The following CSMD1 variants were observed in gnomAD, a reference collection of about 807,000 sequenced individuals.
The protein encoded by CSMD1 is CUB and Sushi multiple domains 1.
In CSMD1, 213 loss-of-function variants were observed where a neutral mutation model predicts 417.5. The observed-to-expected ratio is 0.51, with a 90% CI of 0.46 to 0.57. CSMD1 has a LOEUF of 0.57. Among genes scored for constraint, CSMD1 ranks in the 20% least tolerant of loss-of-function variants. The pLI, the probability that CSMD1 is intolerant of heterozygous loss-of-function variation, is 0.00. For synonymous variants in CSMD1, 2,862 were observed against 1,736.8 expected, an observed-to-expected ratio of 1.65 and a Z score of -16.11; for missense variants, 6,923 against 4,529.7, an observed-to-expected ratio of 1.53 and a Z score of -15.17.
chr8:4,292,298 G>C (rs573764573), intron 3 of CSMD1, among the ~76,000 whole-genome samples: 1 of 152,128 alleles, frequency 6.6e-6, no homozygotes, highest in Admixed American at 6.6e-5. Flanking sequence ...TGTCGCCCAG[G>C]CTGGAGTGCA....
intron 2 of CSMD1, among the ~76,000 whole-genome samples, chr8:4,467,803 A>C (rs528326597): frequency 3.9e-5 from 6 of 152,206 alleles, no homozygotes; most frequent in Non-Finnish European, 8.8e-5. Context: ...ATGGGGAAAG[A>C]ACTAGTGAAA....
chr8:3,785,217 A>T lies in CSMD1; in HGVS notation c.819-31175T>A, dbSNP rs142957852. Among the ~76,000 whole-genome samples, 429 of 152,334 alleles carry T rather than the reference A, an allele frequency of 2.8e-3. 1 individual carries two copies. The highest frequency in any genetic ancestry group is 9.6e-3 in the African/African-American group (400 of 41,572). ...CTGAATTAAAGAGTTGTTATGAAGAATCAATCCATCACAGTTTGTGAAATG... is the reference window on the plus strand; with the variant it reads ...CTGAATTAAAGAGTTGTTATGAAGATTCAATCCATCACAGTTTGTGAAATG... On this transcript the variant is annotated intron_variant, in intron 5 of 69. Transcript: ENST00000635120.
intron 37 of CSMD1, among the ~76,000 whole-genome samples, chr8:3,176,172 T>C (rs1231217800): frequency 6.6e-6 from 1 of 152,110 alleles, no homozygotes; most frequent in African/African-American, 2.4e-5. Flanking sequence ...AAGTGAAAAA[T>C]ATGATTATTA....
At chr8:4,186,221 C>A (rs1322996961) in intron 3 of CSMD1, among the ~76,000 whole-genome samples, 1 of 152,058 alleles carries the variant, frequency 6.6e-6, no homozygotes, top group African/African-American at 2.4e-5. Context: ...AAGCTCAGGA[C>A]GGCCAAACTG....
intron 3 of CSMD1, among the ~76,000 whole-genome samples, chr8:4,130,335 C>T (rs1313381364): frequency 6.6e-6 from 1 of 152,128 alleles, no homozygotes; most frequent in African/African-American, 2.4e-5. Flanking sequence ...GTCTTCTATT[C>T]CAAAGACCCC....
chr8:4,975,541 T>A (rs1282711505), intron 1 of CSMD1, among the ~76,000 whole-genome samples: 3 of 152,168 alleles, frequency 2.0e-5, no homozygotes, highest in Non-Finnish European at 4.4e-5. Flanking sequence ...ATGAAGGAAG[T>A]GAAGCCCAGG....
At chr8:4,554,927 A>T (rs927115899) in intron 2 of CSMD1, among the ~76,000 whole-genome samples, 2 of 152,120 alleles carry the variant, frequency 1.3e-5, no homozygotes, top group African/African-American at 4.8e-5. Flanking sequence ...TCTTCTAGGC[A>T]ACGAATTCCT....
intron 3 of CSMD1, among the ~76,000 whole-genome samples, chr8:4,405,049 C>T (rs1181313242): frequency 6.6e-6 from 1 of 152,212 alleles, no homozygotes; most frequent in East Asian, 1.9e-4. Flanking sequence ...CGTGACTATG[C>T]TGGACACTTT....
At chr8:3,557,822 A>G (rs1254749039) in intron 10 of CSMD1, among the ~76,000 whole-genome samples, 1 of 152,218 alleles carries the variant, frequency 6.6e-6, no homozygotes, top group Non-Finnish European at 1.5e-5. Flanking sequence ...GATTATTAAT[A>G]GCATTATCAC....
chr8:4,679,849 G>A (rs924078010), intron 1 of CSMD1, among the ~76,000 whole-genome samples: 2 of 151,998 alleles, frequency 1.3e-5, no homozygotes, highest in African/African-American at 4.8e-5. Context: ...GATTAAATAT[G>A]TAAAATATAT....
chr8:3,708,040 G>T (rs550092112), intron 7 of CSMD1, among the ~76,000 whole-genome samples: 8 of 152,182 alleles, frequency 5.3e-5, no homozygotes, highest in Non-Finnish European at 1.2e-4. Flanking sequence ...ATAGACAAAA[G>T]ACAAAAACCA....
intron 8 of CSMD1, among the ~76,000 whole-genome samples, chr8:3,595,322 G>A (rs1011546748): frequency 6.6e-6 from 1 of 152,190 alleles, no homozygotes; most frequent in Admixed American, 6.5e-5. Flanking sequence ...AGATGAATGT[G>A]CATCTGCTGT....
rs117686904 is a variant in CSMD1, at chr8:4,234,182, C to G, written c.415+185771G>C. On this transcript the variant is annotated intron_variant, in intron 3 of 69. Transcript: ENST00000635120. The stretch of plus-strand genomic sequence containing the variant: ...CAGATTCCCAGGAGTTAACTCTTGA[C>G]TTAGACCAAGAAAGATGAACAGAAA... Among the ~76,000 whole-genome samples, 102 of 152,266 alleles carry G rather than the reference C, an allele frequency of 6.7e-4. No homozygotes were observed. The East Asian group carries it at 0.018, about 27-fold the overall frequency.
chr8:3,940,443 A>T (rs1810800700), intron 5 of CSMD1, among the ~76,000 whole-genome samples: 1 of 152,078 alleles, frequency 6.6e-6, no homozygotes, highest in Non-Finnish European at 1.5e-5. Flanking sequence ...GAAGTAAAAC[A>T]TAAGCACCTT....
At chr8:3,184,884 G>C (rs75760512) in intron 36 of CSMD1, among the ~76,000 whole-genome samples, 1 of 152,278 alleles carries the variant, frequency 6.6e-6, no homozygotes, top group East Asian at 1.9e-4. Flanking sequence ...GCACACCTTT[G>C]ATAGAATGCT....
At chr8:4,284,186 G>A (rs1304173587) in intron 3 of CSMD1, among the ~76,000 whole-genome samples, 1 of 152,078 alleles carries the variant, frequency 6.6e-6, no homozygotes, top group Non-Finnish European at 1.5e-5. Flanking sequence ...TGGCCAACAT[G>A]GTGAAACCCT....
chr8:4,226,890 A>G (rs1563303349), intron 3 of CSMD1, among the ~76,000 whole-genome samples: 1 of 152,228 alleles, frequency 6.6e-6, no homozygotes, highest in Non-Finnish European at 1.5e-5. Flanking sequence ...TACATATTTG[A>G]ACGTAAAGGA....
At chr8:3,883,563 T>C (rs913996194) in intron 5 of CSMD1, among the ~76,000 whole-genome samples, 1 of 152,324 alleles carries the variant, frequency 6.6e-6, no homozygotes, top group East Asian at 1.9e-4. Context: ...AGTGAACTGA[T>C]GCCTTCAAGG....
At chr8:4,037,072 C>A (rs1023363332) in intron 3 of CSMD1, among the ~76,000 whole-genome samples, 1 of 151,992 alleles carries the variant, frequency 6.6e-6, no homozygotes, top group African/African-American at 2.4e-5. Flanking sequence ...CAGCTCTGGC[C>A]ACCCACAACC....
Sources: allele counts gnomAD v4.1 joint callset (sites outside exome capture counted in the v4.1 genomes callset), GRCh38; gene constraint gnomAD v4.1.1; transcripts MANE v1.5; gene names NCBI Gene and HGNC (gene_info 2026-07-23, HGNC 2026-07-21).